DDR1: variants seen among roughly 807,000 people sequenced by gnomAD.
The protein encoded by DDR1 is discoidin domain receptor tyrosine kinase 1.
DDR1 carries 64 observed loss-of-function variants against 97.4 expected under a neutral mutation model. The observed-to-expected ratio is 0.66, with a 90% confidence interval of 0.54 to 0.81. DDR1 has a LOEUF of 0.81. DDR1 is among the 30% of genes least tolerant of loss of function. The pLI, the probability that DDR1 is intolerant of heterozygous loss-of-function variation, is 0.00. For missense variants in DDR1, 990 were observed against 1,259.6 expected (o/e 0.79, Z 3.24); for synonymous variants, 458 against 503.7 (o/e 0.91, Z 1.21).
At chr6:30,893,223 C>T (rs1264320) in intron 9 of DDR1, 49 bp from the exon 10 acceptor site, 531,058 of 1,592,636 alleles carry the variant, frequency 0.33, 92,123 homozygotes, top group Non-Finnish European at 0.36. Context: ...GCCTCCCCCT[C>T]GGCTAGGGTG....
chr6:30,900,063 G>C lies in DDR1; in HGVS notation c.*767G>C, dbSNP rs1308830625. 1.7e-6 allele frequency: 1 copy of C among 596,612 alleles called. No homozygotes were observed. The highest frequency in any genetic ancestry group is 3.2e-6 in the Non-Finnish European group (1 of 307,926). 37.0% of individuals were successfully genotyped at this position (596,612 alleles called of 1,614,324 possible). ...GGGTTTGTACATTTTTGGGGGGAGA[G>C]ACACAGATTTTTACACTAATATATG... On this transcript the variant is annotated 3_prime_UTR_variant, in exon 18 of 18. Transcript: ENST00000376568.
chr6:30,889,432 T>A lies in DDR1; in HGVS notation c.417+2T>A. ...TGGAAGGACCGCTGGGGTCAGGAGG[T>A]GAGACTGGCAGGGGCAGCACCCAGA... On this transcript the variant is annotated splice_donor_variant, in intron 4 of 17. Coordinates refer to ENST00000376568, the MANE Select transcript of DDR1 (RefSeq NM_001297654.2). LOFTEE classifies it high-confidence loss of function. This position sits in a 1 kb window ranked among gnomAD's most constrained non-coding sequence, Gnocchi z 4.9. 1 of 1,522,062 alleles carries A rather than the reference T, an allele frequency of 6.6e-7. No individual in the cohort carries two copies. The highest frequency in any genetic ancestry group is 8.8e-7 in the Non-Finnish European group (1 of 1,136,190). 94.3% of individuals were successfully genotyped at this position (1,522,062 alleles called of 1,614,324 possible).
chr6:30,895,889 G>A (rs1166139344), intron 12 of DDR1, among the ~76,000 whole-genome samples: 2 of 152,102 alleles, frequency 1.3e-5, no homozygotes, highest in African/African-American at 4.8e-5. Context: ...CCGGGCGCTT[G>A]CCCTTTCCCT....
intron 10 of DDR1, among the ~76,000 whole-genome samples, chr6:30,893,921 C>T (rs910283172): frequency 1.3e-5 from 2 of 152,190 alleles, no homozygotes; most frequent in African/African-American, 2.4e-5. Context: ...CCCCAAGCCA[C>T]GTCTTCCGGC....
Position 30,894,535 on chromosome 6 carries a change from G to A in DDR1, c.1377G>A (p.Leu459=), listed in dbSNP as rs756849510. 1.2e-6 allele frequency: 2 copies of A among 1,612,320 alleles called. No individual in the cohort carries two copies. The highest frequency in any genetic ancestry group is 1.1e-5 in the South Asian group (1 of 90,760). ...KAERRVLEEE[L]TVHLSVPGDT... ...AACGGAGGGTGTTGGAAGAGGAGCT[G>A]ACGGTTCACCTCTCTGTCCCTGGGG... is the stretch of plus-strand genomic sequence containing the variant. The change falls in exon 11 of 18, where the codon CTG becomes CTA. Residue 459 remains leucine, a synonymous_variant. Transcript: ENST00000376568. This position sits in a 1 kb window ranked among gnomAD's most constrained non-coding sequence, Gnocchi z 5.7.
In DDR1 at chr6:30,886,504, T is replaced by C. The variant is rs1330317662; in HGVS notation, c.-43+1794T>C. ...GAGCTCTGGGGTCTCAGCTGCCTCT[T>C]ACATTCCTGCCCTAGTGCATTGTGG... is the stretch of plus-strand genomic sequence containing the variant. On this transcript the variant is annotated intron_variant, in intron 1 of 17. Coordinates refer to ENST00000376568, the MANE Select transcript of DDR1 (RefSeq NM_001297654.2). The surrounding 1 kb of genome is among the most constrained non-coding windows in gnomAD (Gnocchi z 4.6). Among the ~76,000 whole-genome samples, 6 of 152,196 alleles carry C rather than the reference T, an allele frequency of 3.9e-5. No individual in the cohort carries two copies. The highest frequency in any genetic ancestry group is 8.8e-5 in the Non-Finnish European group (6 of 68,030).
rs1158133068 is a variant in DDR1 at position 30,899,412 on chromosome 6, A to G, written c.*116A>G. 1.5e-6 allele frequency: 2 copies of G among 1,367,732 alleles called. No individual in the cohort carries two copies. The highest frequency in any genetic ancestry group is 2.0e-6 in the Non-Finnish European group (2 of 1,021,590). 84.7% of individuals were successfully genotyped at this position (1,367,732 alleles called of 1,614,324 possible). On this transcript the variant is annotated 3_prime_UTR_variant, in exon 18 of 18. Coordinates refer to ENST00000376568, the MANE Select transcript of DDR1 (RefSeq NM_001297654.2). ...CCCCTCCCGACAGCCCATCACCTCT[A>G]ATAGAGGCAGTGAGACTGCAGGTGG...
Position 30,894,263 on chromosome 6 carries a change from C to CA in DDR1, c.1348-233dup, listed in dbSNP as rs540154523. ...ATTCCATCTCAAAAAAACAAACAAA[C>CA]AAAAAAAAAACGGTTGATAGTTATG... On this transcript the variant is annotated intron_variant, in intron 10 of 17. Transcript: ENST00000376568. The surrounding 1 kb of genome is among the most constrained non-coding windows in gnomAD (Gnocchi z 5.7). 1.9e-3 allele frequency among the ~76,000 whole-genome samples: 271 copies of CA among 146,458 alleles called. 1 individual carries two copies. Among genetic ancestry groups the CA allele is most frequent in the South Asian group, 7.6e-3 (35 of 4,590 alleles).
rs61596908 is a variant in DDR1 at position 30,890,954 on chromosome 6, CCT to C, written c.418-18_418-17del. Reference sequence around the variant, plus strand: ...GACCTGGACTCCATCCCACCCACCCCCTGTTTCCTGGCCCACAGGTGATCTCA... The same window carrying C: ...GACCTGGACTCCATCCCACCCACCCCGTTTCCTGGCCCACAGGTGATCTCA... On this transcript the variant is annotated splice_polypyrimidine_tract_variant and intron_variant, in intron 4 of 17. Coordinates refer to ENST00000376568, the MANE Select transcript of DDR1 (RefSeq NM_001297654.2). The surrounding 1 kb of genome is among the most constrained non-coding windows in gnomAD (Gnocchi z 5.0). The C allele has an allele frequency of 0.025, 39,852 of 1,572,148 alleles. 964 individuals carry two copies. Among genetic ancestry groups the C allele is most frequent in the African/African-American group, 0.1 (7,635 of 74,056 alleles).
rs904445616 is a variant in DDR1 at position 30,897,675 on chromosome 6, G to T, written c.2216+78G>T. On this transcript the variant is annotated intron_variant, in intron 15 of 17. Transcript: ENST00000376568. The surrounding 1 kb of genome is among the most constrained non-coding windows in gnomAD (Gnocchi z 5.2). ...TCCTCTCCCCTCGCTTCAGCCTGGA[G>T]GAAAAGAGGGGAGCGTGGGGGTGGG... 8.2e-7 allele frequency: 1 copy of T among 1,217,606 alleles called. No individual in the cohort carries two copies. 75.4% of individuals were successfully genotyped at this position (1,217,606 alleles called of 1,614,324 possible).
rs1792305425 is a variant in DDR1 at position 30,899,852 on chromosome 6, A to T, written c.*556A>T. The T allele has an allele frequency of 1.5e-5, 6 of 411,712 alleles. No individual in the cohort carries two copies. The South Asian group carries it at 1.5e-4, about 10-fold the overall frequency. 25.5% of individuals were successfully genotyped at this position (411,712 alleles called of 1,614,324 possible). ...CACCTGAAACACTGGACCTGGGGGT[A>T]GCCCCGCCCCAGCCCTCAGTCACCC... is the stretch of plus-strand genomic sequence containing the variant. On this transcript the variant is annotated 3_prime_UTR_variant, in exon 18 of 18. Coordinates refer to ENST00000376568, the MANE Select transcript of DDR1 (RefSeq NM_001297654.2).
In DDR1 at chr6:30,899,334, C is replaced by G. The variant is rs752794261; in HGVS notation, c.*38C>G. On this transcript the variant is annotated 3_prime_UTR_variant, in exon 18 of 18. Coordinates refer to ENST00000376568, the MANE Select transcript of DDR1 (RefSeq NM_001297654.2). ...GCTGCCCCTCCCTCAGGGAGCGATC[C>G]AGGGGAAGCCAGTGACACTAAAACA... 2 of 1,573,456 alleles carry G rather than the reference C, an allele frequency of 1.3e-6. No homozygotes were observed. Among genetic ancestry groups the G allele is most frequent in the African/African-American group, 2.7e-5 (2 of 73,936 alleles).
rs1404442910 is a variant in DDR1 at position 30,890,108 on chromosome 6, G to T, written c.417+678G>T. ...TCTGCCTGGAGTCAAATCTCCACCTGGGGGGGCGGCATCCAGTGGACCTTA... is the reference window on the plus strand; with the variant it reads ...TCTGCCTGGAGTCAAATCTCCACCTTGGGGGGCGGCATCCAGTGGACCTTA... On this transcript the variant is annotated intron_variant, in intron 4 of 17. Transcript: ENST00000376568. This position sits in a 1 kb window ranked among gnomAD's most constrained non-coding sequence, Gnocchi z 5.0. Among the ~76,000 whole-genome samples, 1 of 151,926 alleles carries T rather than the reference G, an allele frequency of 6.6e-6. No individual in the cohort carries two copies. Among genetic ancestry groups the T allele is most frequent in the Non-Finnish European group, 1.5e-5 (1 of 67,998 alleles).
At chr6:30,898,006 T>G (rs1791565080) in intron 15 of DDR1, 67 bp from the exon 16 acceptor site, 2 of 1,296,068 alleles carry the variant, frequency 1.5e-6, no homozygotes, top group African/African-American at 1.5e-5. Flanking sequence ...GAGTGGGCTC[T>G]CTCTCCTCTC....
chr6:30,892,813 T>G (rs989961575), intron 8 of DDR1: 3 of 585,876 alleles, frequency 5.1e-6, no homozygotes, highest in Non-Finnish European at 8.8e-6. Flanking sequence ...TACTTCTGTA[T>G]TAGTTGAGAA....
chr6:30,887,114 C>CTAGA (rs1786139704), intron 1 of DDR1: 1 of 152,092 alleles, frequency 6.6e-6, no homozygotes, highest in Non-Finnish European at 1.5e-5. Context: ...CTATAGGGGA[C>CTAGA]AGTAAGACTA....
Position 30,899,432 on chromosome 6 carries a change from A to C in DDR1, c.*136A>C, listed in dbSNP as rs1792184085. 2 of 1,213,944 alleles carry C rather than the reference A, an allele frequency of 1.6e-6. No individual in the cohort carries two copies. The highest frequency in any genetic ancestry group is 2.2e-6 in the Non-Finnish European group (2 of 892,946). 75.2% of individuals were successfully genotyped at this position (1,213,944 alleles called of 1,614,324 possible). A position where few individuals can be genotyped will look rare whatever the true frequency, so the allele number is the denominator to read the frequency against. ...CCTCTAATAGAGGCAGTGAGACTGC[A>C]GGTGGGCTGGGCCCACCCAGGGAGC... On this transcript the variant is annotated 3_prime_UTR_variant, in exon 18 of 18. Transcript: ENST00000376568.
chr6:30,895,356 T>A (rs765830950), intron 11 of DDR1, 48 bp from the exon 12 acceptor site: 1 of 1,456,450 alleles, frequency 6.9e-7, no homozygotes, highest in East Asian at 2.3e-5. Context: ...CTGTCTAGCC[T>A]TGAGTCTCAT....
Position 30,893,180 on chromosome 6 carries a change from G to A in DDR1, c.1195+17G>A, listed in dbSNP as rs750264052. 1.2e-6 allele frequency: 2 copies of A among 1,604,160 alleles called. No homozygotes were observed. Among genetic ancestry groups the A allele is most frequent in the Non-Finnish European group, 1.7e-6 (2 of 1,178,282 alleles). ...GCAGCTTGGGTGAGCAATCTTGGGTGGGCGTGTGGACCCTCTGCACCCTTC... is the reference window on the plus strand; with the variant it reads ...GCAGCTTGGGTGAGCAATCTTGGGTAGGCGTGTGGACCCTCTGCACCCTTC... On this transcript the variant is annotated intron_variant, in intron 9 of 17. Coordinates refer to ENST00000376568, the MANE Select transcript of DDR1 (RefSeq NM_001297654.2).
Sources: allele counts gnomAD v4.1 joint callset (sites outside exome capture counted in the v4.1 genomes callset), GRCh38; gene constraint gnomAD v4.1.1; non-coding constraint Gnocchi (gnomAD v3.1); transcripts MANE v1.5; gene names NCBI Gene and HGNC (gene_info 2026-07-23, HGNC 2026-07-21).